The following SIN3B variants were observed in gnomAD, a reference collection of about 807,000 sequenced individuals.
SIN3B encodes SIN3 transcription regulator family member B, also known as paired amphipathic helix protein Sin3b.
Under a neutral mutation model 120.2 loss-of-function variants are expected in SIN3B, and 19 were observed. That is an observed-to-expected ratio of 0.16 (90% CI 0.11 to 0.23). SIN3B has a LOEUF of 0.23. Ranked by LOEUF, SIN3B falls within the 10% of genes least tolerant of loss-of-function variation. The probability of loss-of-function intolerance (pLI) is 1.00; values close to 1 mark genes in which losing one functional copy is unlikely to be tolerated. For synonymous variants in SIN3B, 654 were observed against 653.2 expected (o/e 1.00, Z -0.02); for missense variants, 1,073 against 1,573.0 (o/e 0.68, Z 5.38).
chr19:16,866,064 G>T (rs1211139652), intron 11 of SIN3B, among the ~76,000 whole-genome samples: 1 of 152,182 alleles, frequency 6.6e-6, no homozygotes, highest in Non-Finnish European at 1.5e-5. Flanking sequence ...GAGTGAGGCA[G>T]ACCCAGTCCC....
intron 13 of SIN3B, among the ~76,000 whole-genome samples, chr19:16,870,934 G>T (rs1010573836): frequency 6.6e-6 from 1 of 150,972 alleles, no homozygotes; most frequent in Non-Finnish European, 1.5e-5. Context: ...CAGGTGATCC[G>T]CCTGCCTCAG....
Position 16,851,602 on chromosome 19 carries a change from G to C in SIN3B, c.849+68G>C, listed in dbSNP as rs141956626. The C allele has an allele frequency of 2.0e-6, 3 of 1,504,678 alleles. No homozygotes were observed. In the African/African-American group the frequency reaches 4.2e-5, roughly 21 times the overall value. 93.2% of individuals were successfully genotyped at this position (1,504,678 alleles called of 1,614,324 possible). Reference sequence around the variant, plus strand: ...CCAGCAAATCGGGCCTTCCCAGCATGTGACCAGGGAACAGAGGCCCCAGCA... The same window carrying C: ...CCAGCAAATCGGGCCTTCCCAGCATCTGACCAGGGAACAGAGGCCCCAGCA... On this transcript the variant is annotated intron_variant, in intron 6 of 18. Transcript: ENST00000248054.
intron 4 of SIN3B, 142 bp downstream of exon 4, chr19:16,842,110 T>G: frequency 1.2e-6 from 1 of 805,062 alleles, no homozygotes; most frequent in Non-Finnish European, 2.0e-6. Flanking sequence ...TGTTTTTTCT[T>G]AGAGTCTGGC....
At chr19:16,866,610 G>A (rs1971777641) in intron 12 of SIN3B, 54 bp downstream of exon 12, 6 of 1,552,462 alleles carry the variant, frequency 3.9e-6, no homozygotes, top group South Asian at 1.1e-5. Context: ...TGGCTCTCCC[G>A]ACCGCCGGGT....
At position 16,879,169 on chromosome 19, in the gene SIN3B, G is replaced by C. The variant is rs2051658478; in HGVS notation, c.*442G>C. On this transcript the variant is annotated 3_prime_UTR_variant, in exon 19 of 19. Coordinates refer to ENST00000248054, the MANE Select transcript of SIN3B (RefSeq NM_001297595.2). ...CTGACAAGGAAGGAGTTGAGCCCTG[G>C]GTAGGCTTGCTTGAAAAGTGAGTCC... The C allele has an allele frequency of 5.5e-6, 1 of 182,716 alleles. No homozygotes were observed. Among genetic ancestry groups the C allele is most frequent in the Admixed American group, 5.7e-5 (1 of 17,448 alleles). 11.3% of individuals were successfully genotyped at this position (182,716 alleles called of 1,614,324 possible).
At chr19:16,837,788 A>C (rs187349688) in intron 3 of SIN3B, among the ~76,000 whole-genome samples, 4 of 152,172 alleles carry the variant, frequency 2.6e-5, no homozygotes, top group Admixed American at 2.6e-4. Flanking sequence ...TGTCAGTGAG[A>C]GTGAGAAGTC....
chr19:16,863,173 A>AATT (rs1400901579), intron 9 of SIN3B: 2 of 553,624 alleles, frequency 3.6e-6, no homozygotes, highest in Non-Finnish European at 6.4e-6. Flanking sequence ...TTGCAGAGAG[A>AATT]ATTTACCAAT....
chr19:16,846,704 T>A (rs1406818541), intron 4 of SIN3B, among the ~76,000 whole-genome samples: 2 of 152,118 alleles, frequency 1.3e-5, no homozygotes, highest in African/African-American at 4.8e-5. Flanking sequence ...CCACCCCTGA[T>A]TACAGCCAGC....
chr19:16,832,258 C>T (rs956320553), intron 3 of SIN3B, among the ~76,000 whole-genome samples: 3 of 137,932 alleles, frequency 2.2e-5, no homozygotes, highest in African/African-American at 8.2e-5. Flanking sequence ...AGTGCAGTGG[C>T]GCAATCTCAG....
intron 8 of SIN3B, among the ~76,000 whole-genome samples, chr19:16,858,559 C>T (rs1017637049): frequency 5.3e-5 from 8 of 152,064 alleles, no homozygotes; most frequent in African/African-American, 1.9e-4. Flanking sequence ...AATACCGTTT[C>T]TAGTCCTTTT....
intron 3 of SIN3B, 94 bp downstream of exon 3, chr19:16,831,741 G>A: frequency 2.8e-6 from 3 of 1,085,970 alleles, no homozygotes; most frequent in Non-Finnish European, 4.1e-6. Flanking sequence ...ATCATTGCTA[G>A]AAAGCCACTT....
In SIN3B at chr19:16,880,259, G is replaced by T. The variant is rs1428752680; in HGVS notation, c.*1532G>T. 6.6e-6 allele frequency: 1 copy of T among 152,284 alleles called. No individual in the cohort carries two copies. Among genetic ancestry groups the T allele is most frequent in the Non-Finnish European group, 1.5e-5 (1 of 68,062 alleles). The allele number at this position is 152,284 out of a possible 1,614,324, so 9.4% of individuals were successfully genotyped here. A position where few individuals can be genotyped will look rare whatever the true frequency, so the allele number is the denominator to read the frequency against. ...TCTTTTCCGTTCTTGAGGAATTTCT[G>T]TTCTGGGGCTTGTCCTTCCTTTGCA... On this transcript the variant is annotated 3_prime_UTR_variant, in exon 19 of 19. Coordinates refer to ENST00000248054, the MANE Select transcript of SIN3B (RefSeq NM_001297595.2).
intron 3 of SIN3B, among the ~76,000 whole-genome samples, chr19:16,835,077 C>A (rs1254737985): frequency 6.6e-6 from 1 of 151,774 alleles, no homozygotes; most frequent in African/African-American, 2.4e-5. Flanking sequence ...CAGGCATGCA[C>A]CAGCGCGCCC....
intron 17 of SIN3B, 85 bp downstream of exon 17, chr19:16,877,724 G>A: frequency 1.0e-6 from 1 of 966,490 alleles, no homozygotes; most frequent in Non-Finnish European, 1.6e-6. Context: ...GCTGGACCAT[G>A]GCACACTGTC....
At position 16,835,179 on chromosome 19, in the gene SIN3B, G is replaced by A. The variant is rs1393683026; in HGVS notation, c.381+3532G>A. ...GACCTCACGTGATCTGCCTGCCTCG[G>A]CCTCCCAAAGTACTGGGATTACAGG... On this transcript the variant is annotated intron_variant, in intron 3 of 18. Transcript: ENST00000248054. Among the ~76,000 whole-genome samples, 5 of 151,308 alleles carry A rather than the reference G, an allele frequency of 3.3e-5. No individual in the cohort carries two copies. In the East Asian group the frequency reaches 7.8e-4, roughly 23 times the overall value.
intron 4 of SIN3B, among the ~76,000 whole-genome samples, chr19:16,842,965 C>G (rs901495337): frequency 6.6e-6 from 1 of 152,178 alleles, no homozygotes; most frequent in African/African-American, 2.4e-5. Flanking sequence ...GGCATCAGGG[C>G]GTCTGCAGGG....
In SIN3B at chr19:16,840,669, A is replaced by G. The variant is rs553268633; in HGVS notation, c.382-1099A>G. Among the ~76,000 whole-genome samples the G allele has an allele frequency of 2.0e-5, 3 of 152,214 alleles. No homozygotes were observed. The East Asian group carries it at 5.8e-4, about 29-fold the overall frequency. On this transcript the variant is annotated intron_variant, in intron 3 of 18. Transcript: ENST00000248054. Reference sequence around the variant, plus strand: ...GGTCACCTGCAGTGTTGGGCACTGCAGGGCAGCGGAAACAGTGAAGTCTGT... The same window carrying G: ...GGTCACCTGCAGTGTTGGGCACTGCGGGGCAGCGGAAACAGTGAAGTCTGT...
intron 3 of SIN3B, among the ~76,000 whole-genome samples, chr19:16,838,710 C>A (rs1316669739): frequency 6.6e-6 from 1 of 151,894 alleles, no homozygotes; most frequent in Non-Finnish European, 1.5e-5. Context: ...CTCGCTCTGT[C>A]GCCCAGGCTG....
At chr19:16,868,227 C>G (rs1219085307) in intron 12 of SIN3B, among the ~76,000 whole-genome samples, 2 of 152,152 alleles carry the variant, frequency 1.3e-5, no homozygotes, top group Non-Finnish European at 2.9e-5. Context: ...CACTGAAGAG[C>G]CCAGAGCAGG....
Sources: gnomAD v4.1 joint callset for allele counts (sites outside exome capture counted in the v4.1 genomes callset) on GRCh38, gnomAD v4.1.1 for gene constraint, MANE v1.5 for transcripts, NCBI Gene and HGNC (gene_info 2026-07-23, HGNC 2026-07-21) for gene names.